The following UNC80 variants were observed in gnomAD, a reference collection of about 807,000 sequenced individuals.
UNC80 encodes the protein unc-80 subunit of NALCN channel complex, also known as protein unc-80 homolog.
A neutral mutation model predicts 384.6 loss-of-function variants in UNC80; 164 were observed. That is an observed-to-expected ratio of 0.43 (90% CI 0.38 to 0.49). UNC80 has a LOEUF of 0.49. Among genes scored for constraint, UNC80 ranks in the 20% least tolerant of loss-of-function variants. UNC80 has a pLI of 0.00. For synonymous variants in UNC80, 1,486 were observed against 1,527.8 expected, an observed-to-expected ratio of 0.97 and a Z score of 0.64; for missense variants, 3,330 against 4,143.0, an observed-to-expected ratio of 0.80 and a Z score of 5.39.
rs578069563 is a variant in UNC80 at position 209,907,128 on chromosome 2, C to T, written c.4782+2163C>T. ...CACTAAATGTTATTTTCCTTACTTC[C>T]TTCTTCAACTAAATTATAATTGTAT... is the stretch of plus-strand genomic sequence containing the variant. On this transcript the variant is annotated intron_variant, in intron 29 of 64. Transcript: ENST00000673920. 2.6e-5 allele frequency among the ~76,000 whole-genome samples: 4 copies of T among 152,126 alleles called. No individual in the cohort carries two copies. The South Asian group carries it at 8.3e-4, about 32-fold the overall frequency.
At chr2:209,967,718 C>A (rs1420662181) in intron 52 of UNC80, 81 bp downstream of exon 52, 13 of 1,419,734 alleles carry the variant, frequency 9.2e-6, no homozygotes, top group Middle Eastern at 1.9e-4. Context: ...GTGGATCATT[C>A]TGGAGTTGAA....
intron 61 of UNC80, among the ~76,000 whole-genome samples, chr2:209,986,163 C>A (rs903491718): frequency 6.6e-6 from 1 of 152,124 alleles, no homozygotes; most frequent in Admixed American, 6.5e-5. Flanking sequence ...GAGATCTGAA[C>A]CAAGTCTAGC....
chr2:209,791,938 T>C (rs2077835865), intron 6 of UNC80, among the ~76,000 whole-genome samples: 1 of 151,670 alleles, frequency 6.6e-6, no homozygotes, highest in Non-Finnish European at 1.5e-5. Context: ...CATGTGGCTA[T>C]TGAACACTTG....
rs1188003710 is a variant in UNC80 at position 209,999,082 on chromosome 2, A to G, written c.*3487A>G. On this transcript the variant is annotated 3_prime_UTR_variant, in exon 65 of 65. Transcript: ENST00000673920. ...TGTGACCACAGGATGAAAATCCTTT[A>G]TTAGCCATTTTATAGGTTAAAACAA... The G allele has an allele frequency of 6.6e-6, 1 of 152,252 alleles. No homozygotes were observed. Among genetic ancestry groups the G allele is most frequent in the African/African-American group, 2.4e-5 (1 of 41,476 alleles). The allele number at this position is 152,252 out of a possible 1,614,324, so 9.4% of individuals were successfully genotyped here. A position where few individuals can be genotyped will look rare whatever the true frequency, so the allele number is the denominator to read the frequency against.
intron 6 of UNC80, among the ~76,000 whole-genome samples, chr2:209,792,945 T>C (rs2077917315): frequency 6.6e-6 from 1 of 152,328 alleles, no homozygotes; most frequent in Admixed American, 6.5e-5. Context: ...AATTTTATGG[T>C]CAACTTCAGA....
rs139022017 is a variant in UNC80, at chr2:209,865,253, C to G, written c.3628-7505C>G. 2.3e-3 allele frequency among the ~76,000 whole-genome samples: 347 copies of G among 151,992 alleles called. 3 individuals are homozygous for G. Among genetic ancestry groups the G allele is most frequent in the African/African-American group, 7.9e-3 (329 of 41,432 alleles). On this transcript the variant is annotated intron_variant, in intron 22 of 64. Coordinates refer to ENST00000673920, the MANE Select transcript of UNC80 (RefSeq NM_001371986.1). ...ATGTTTTTTTTTTCAATGGGAGCCT[C>G]CGAACGCTGCTGTTTCTAGTCCATC...
chr2:209,904,662 A>G, intron 28 of UNC80, 103 bp from the exon 29 acceptor site: 1 of 991,926 alleles, frequency 1.0e-6, no homozygotes, highest in South Asian at 1.5e-5. Flanking sequence ...AGACACATCC[A>G]GGGAAGCTGA....
chr2:209,905,043 T>C, intron 29 of UNC80, 78 bp downstream of exon 29: 1 of 1,465,350 alleles, frequency 6.8e-7, no homozygotes, highest in African/African-American at 1.4e-5. Context: ...GAAATAAGAA[T>C]TTTCAAGCAA....
chr2:209,793,658 A>G, intron 6 of UNC80, 62 bp from the exon 7 acceptor site: 1 of 1,585,582 alleles, frequency 6.3e-7, no homozygotes, highest in Non-Finnish European at 8.6e-7. Flanking sequence ...TAGATGATAT[A>G]GCTACAGGGG....
At chr2:209,882,291 C>T (rs2085369874) in intron 25 of UNC80, among the ~76,000 whole-genome samples, 2 of 151,998 alleles carry the variant, frequency 1.3e-5, no homozygotes, top group Admixed American at 6.6e-5. Flanking sequence ...AAACCAAACT[C>T]GGCATGAGCA....
At chr2:209,798,167 A>T (rs1324127155) in intron 7 of UNC80, among the ~76,000 whole-genome samples, 1 of 152,194 alleles carries the variant, frequency 6.6e-6, no homozygotes, top group Non-Finnish European at 1.5e-5. Context: ...TAGTTTAATT[A>T]AATCCCATTT....
intron 22 of UNC80, among the ~76,000 whole-genome samples, chr2:209,860,969 A>T (rs1258625594): frequency 6.6e-6 from 1 of 152,192 alleles, no homozygotes; most frequent in East Asian, 1.9e-4. Flanking sequence ...GGTGTTTTCT[A>T]CGTATAAAAT....
At chr2:209,820,788 C>CA in intron 13 of UNC80, 109 bp downstream of exon 13, 2 of 1,244,858 alleles carry the variant, frequency 1.6e-6, no homozygotes, top group Non-Finnish European at 2.2e-6. Context: ...GTCACTAGAG[C>CA]AAAAAAGTGG....
At chr2:209,947,214 C>T (rs761634963) in intron 47 of UNC80, among the ~76,000 whole-genome samples, 2 of 152,166 alleles carry the variant, frequency 1.3e-5, no homozygotes, top group Non-Finnish European at 2.9e-5. Flanking sequence ...CCATTCTATA[C>T]GTGATTGTAA....
intron 7 of UNC80, chr2:209,809,318 T>C (rs999009259): frequency 6.5e-6 from 5 of 770,222 alleles, no homozygotes; most frequent in African/African-American, 3.4e-5. Context: ...AGCCACACGC[T>C]GCCCTTCGCC....
chr2:209,833,964 A>C (rs1186144077), intron 16 of UNC80, 38 bp from the exon 17 acceptor site: 1 of 1,544,682 alleles, frequency 6.5e-7, no homozygotes, highest in Non-Finnish European at 8.7e-7. Flanking sequence ...TCACACAGCT[A>C]TCTTTCTTTC....
At chr2:209,815,540 G>T in intron 9 of UNC80, 149 bp downstream of exon 9, 1 of 746,116 alleles carries the variant, frequency 1.3e-6, no homozygotes. Flanking sequence ...ACACTGACTT[G>T]CAGCATACCC....
chr2:209,814,389 G>T (rs1382001838), intron 8 of UNC80, among the ~76,000 whole-genome samples: 1 of 151,864 alleles, frequency 6.6e-6, no homozygotes, highest in Non-Finnish European at 1.5e-5. Flanking sequence ...GACTACAGGC[G>T]CCCGCCACCA....
rs959298480 is a variant in UNC80 at position 209,962,179 on chromosome 2, A to C, written c.7805+2472A>C. 1.2e-4 allele frequency among the ~76,000 whole-genome samples: 18 copies of C among 152,290 alleles called. 1 individual carries two copies. In the East Asian group the frequency reaches 3.3e-3, roughly 28 times the overall value. ...TAATTTCTTTATGGCTAGTTTTTAC[A>C]CAGAAAGATGGGGGAAATTTAGTGT... On this transcript the variant is annotated intron_variant, in intron 51 of 64. Coordinates refer to ENST00000673920, the MANE Select transcript of UNC80 (RefSeq NM_001371986.1).
Sources: allele counts gnomAD v4.1 joint callset (sites outside exome capture counted in the v4.1 genomes callset), GRCh38; gene constraint gnomAD v4.1.1; transcripts MANE v1.5; gene names NCBI Gene and HGNC (gene_info 2026-07-23, HGNC 2026-07-21).